The following ASTN2 variants were observed in gnomAD, a reference collection of about 807,000 sequenced individuals.
ASTN2 encodes the protein astrotactin-2.
Under a neutral mutation model 139.8 loss-of-function variants are expected in ASTN2, and 54 were observed. The ratio of observed to expected loss-of-function variants is 0.39; its 90% CI spans 0.31 to 0.48. The LOEUF (loss-of-function observed/expected upper bound fraction) is 0.48. ASTN2 is among the 20% of genes least tolerant of loss of function. The probability of loss-of-function intolerance (pLI) is 0.95; values close to 1 mark genes in which losing one functional copy is unlikely to be tolerated. For missense variants in ASTN2, 1,565 were observed against 1,725.1 expected (o/e 0.91, Z 1.64); for synonymous variants, 756 against 719.5 (o/e 1.05, Z -0.81).
intron 2 of ASTN2, among the ~76,000 whole-genome samples, chr9:117,234,685 C>T (rs1832991694): frequency 6.6e-6 from 1 of 152,114 alleles, no homozygotes; most frequent in Admixed American, 6.5e-5. Flanking sequence ...TCTAGAGCTC[C>T]GTGGAGCAGA....
intron 4 of ASTN2, among the ~76,000 whole-genome samples, chr9:117,135,850 C>T (rs571859814): frequency 2.1e-4 from 32 of 152,208 alleles, no homozygotes; most frequent in African/African-American, 7.5e-4. Flanking sequence ...ATATGATCAG[C>T]ACTCGGACCT....
intron 4 of ASTN2, among the ~76,000 whole-genome samples, chr9:117,134,916 C>T (rs949626255): frequency 2.0e-5 from 3 of 152,188 alleles, no homozygotes; most frequent in African/African-American, 7.2e-5. Context: ...AGTGACGTAA[C>T]ACTGTGGGCT....
chr9:116,946,424 A>G (rs990653808), intron 10 of ASTN2, among the ~76,000 whole-genome samples: 2 of 151,248 alleles, frequency 1.3e-5, no homozygotes, highest in African/African-American at 2.4e-5. Flanking sequence ...CCCAACTTAA[A>G]CTCCCCTCTC....
At chr9:116,770,734 A>G (rs1260052675) in intron 13 of ASTN2, among the ~76,000 whole-genome samples, 1 of 152,092 alleles carries the variant, frequency 6.6e-6, no homozygotes, top group Non-Finnish European at 1.5e-5. Flanking sequence ...TTGAACACAC[A>G]TGTATTTACA....
rs946701093 is a variant in ASTN2, at chr9:116,699,384, G to A, written c.2806+26387C>T. ...TCGGCAGAATGAGCACCACCTGGAG[G>A]GTGGCTTTTCCATTGGCTCTGTAGG... is the stretch of plus-strand genomic sequence containing the variant. On this transcript the variant is annotated intron_variant, in intron 16 of 22. Transcript: ENST00000313400. The surrounding 1 kb of genome is among the most constrained non-coding windows in gnomAD (Gnocchi z 4.2). 4 of 1,614,072 alleles carry A rather than the reference G, an allele frequency of 2.5e-6. No individual in the cohort carries two copies. The highest frequency in any genetic ancestry group is 1.3e-5 in the African/African-American group (1 of 74,918).
At chr9:116,542,269 G>A (rs868100235) in intron 19 of ASTN2, among the ~76,000 whole-genome samples, 1 of 152,088 alleles carries the variant, frequency 6.6e-6, no homozygotes. Context: ...AAGAAAGTTT[G>A]ACAAATTTAC....
At chr9:116,930,531 A>G (rs959211669) in intron 10 of ASTN2, among the ~76,000 whole-genome samples, 3 of 151,966 alleles carry the variant, frequency 2.0e-5, no homozygotes, top group Non-Finnish European at 2.9e-5. Flanking sequence ...ATAACTCTAT[A>G]TACTTCTGAG....
intron 16 of ASTN2, among the ~76,000 whole-genome samples, chr9:116,656,631 A>T (rs1036065499): frequency 2.8e-5 from 4 of 143,702 alleles, no homozygotes; most frequent in African/African-American, 7.9e-5. Context: ...TGCCAACTGA[A>T]CTCTCTTTTT....
At chr9:116,845,494 A>C (rs1162391372) in intron 11 of ASTN2, among the ~76,000 whole-genome samples, 1 of 152,194 alleles carries the variant, frequency 6.6e-6, no homozygotes, top group African/African-American at 2.4e-5. Flanking sequence ...GAGGGAGAAA[A>C]GTCATAGTTC....
At chr9:117,401,719 G>A (rs1474077015) in intron 1 of ASTN2, among the ~76,000 whole-genome samples, 2 of 152,264 alleles carry the variant, frequency 1.3e-5, no homozygotes, top group Middle Eastern at 3.4e-3. Flanking sequence ...AGCAGCCACA[G>A]GCAACACATA....
At chr9:117,185,959 C>A (rs1027762430) in intron 3 of ASTN2, among the ~76,000 whole-genome samples, 10 of 152,058 alleles carry the variant, frequency 6.6e-5, no homozygotes, top group Admixed American at 3.9e-4. Context: ...TCCTTGTGTT[C>A]CTCAAGGAAC....
chr9:117,131,554 T>C (rs1278711627), intron 4 of ASTN2, among the ~76,000 whole-genome samples: 2 of 152,152 alleles, frequency 1.3e-5, no homozygotes, highest in South Asian at 2.1e-4. Flanking sequence ...CCAGGAGAAA[T>C]TAAATGAGAG....
intron 19 of ASTN2, among the ~76,000 whole-genome samples, chr9:116,605,555 C>G (rs1445336159): frequency 6.6e-6 from 1 of 152,070 alleles, no homozygotes; most frequent in Non-Finnish European, 1.5e-5. Flanking sequence ...CCCTTCTTGT[C>G]CTCACTCTTC....
At chr9:116,819,502 C>T (rs1831425396) in intron 12 of ASTN2, among the ~76,000 whole-genome samples, 2 of 152,132 alleles carry the variant, frequency 1.3e-5, no homozygotes, top group African/African-American at 4.8e-5. Context: ...GAAATAAGCC[C>T]TGGAAGAAAA....
At chr9:116,703,838 G>GCACT (rs1203799405) in intron 16 of ASTN2, among the ~76,000 whole-genome samples, 1 of 152,066 alleles carries the variant, frequency 6.6e-6, no homozygotes, top group Non-Finnish European at 1.5e-5. Flanking sequence ...ATGCTGATTT[G>GCACT]CACTCAGGAC....
chr9:116,546,634 A>T (rs1852106072), intron 19 of ASTN2: 2 of 152,206 alleles, frequency 1.3e-5, no homozygotes, highest in Non-Finnish European at 2.9e-5. Context: ...CATCATATCA[A>T]AATGCAACAC....
intron 2 of ASTN2, among the ~76,000 whole-genome samples, chr9:117,273,418 C>T (rs573398772): frequency 2.0e-4 from 31 of 152,280 alleles, no homozygotes; most frequent in African/African-American, 6.5e-4. Context: ...TCCTGAACCT[C>T]AGTTTTCTCA....
At chr9:116,779,904 A>T (rs1830174198) in intron 13 of ASTN2, among the ~76,000 whole-genome samples, 1 of 152,184 alleles carries the variant, frequency 6.6e-6, no homozygotes, top group South Asian at 2.1e-4. Flanking sequence ...TCACTTCACT[A>T]ATCCATTCAT....
chr9:116,472,865 T>C (rs1303738514), intron 20 of ASTN2, among the ~76,000 whole-genome samples: 2 of 149,892 alleles, frequency 1.3e-5, no homozygotes, highest in African/African-American at 2.5e-5. Context: ...AGGTGGAGTT[T>C]GCAGTGAGCT....
Sources: allele counts gnomAD v4.1 joint callset (sites outside exome capture counted in the v4.1 genomes callset), GRCh38; gene constraint gnomAD v4.1.1; non-coding constraint Gnocchi (gnomAD v3.1); transcripts MANE v1.5; gene names NCBI Gene and HGNC (gene_info 2026-07-23, HGNC 2026-07-21).